Variants in PDE7A observed in about 807,000 individuals in gnomAD.
PDE7A encodes phosphodiesterase 7A, also known as high affinity 3',5'-cyclic-AMP phosphodiesterase 7A.
Under a neutral mutation model 64.3 loss-of-function variants are expected in PDE7A, and 39 were observed. The observed-to-expected ratio is 0.61, with a 90% CI of 0.47 to 0.79. PDE7A has a LOEUF of 0.79. Among genes scored for constraint, PDE7A ranks in the 30% least tolerant of loss-of-function variants. PDE7A has a pLI of 0.00. For missense variants in PDE7A, 470 were observed against 582.8 expected (o/e 0.81, Z 1.99); for synonymous variants, 203 against 206.8 (o/e 0.98, Z 0.16).
At chr8:65,796,733 A>G (rs1809854097) in intron 1 of PDE7A, among the ~76,000 whole-genome samples, 1 of 152,204 alleles carries the variant, frequency 6.6e-6, no homozygotes, top group East Asian at 1.9e-4. Flanking sequence ...ATCCATAGCC[A>G]TCATTGTACT....
chr8:65,779,011 C>G (rs1809331719), intron 3 of PDE7A, among the ~76,000 whole-genome samples: 1 of 152,226 alleles, frequency 6.6e-6, no homozygotes, highest in African/African-American at 2.4e-5. Context: ...TTCCCAGAAT[C>G]AGTACATGCT....
chr8:65,820,163 A>T (rs1241425303), intron 1 of PDE7A, among the ~76,000 whole-genome samples: 1 of 152,242 alleles, frequency 6.6e-6, no homozygotes, highest in African/African-American at 2.4e-5. Flanking sequence ...TGGGAGGCCG[A>T]GGCAGGTGGA....
At chr8:65,784,915 T>C (rs933790733) in intron 1 of PDE7A, among the ~76,000 whole-genome samples, 7 of 152,046 alleles carry the variant, frequency 4.6e-5, no homozygotes, top group African/African-American at 1.7e-4. Context: ...AGATTAATGA[T>C]CATCTTCCCT....
At chr8:65,834,120 T>A (rs1319213630) in intron 1 of PDE7A, among the ~76,000 whole-genome samples, 2 of 152,170 alleles carry the variant, frequency 1.3e-5, no homozygotes, top group Non-Finnish European at 2.9e-5. Context: ...AGAAATTTTG[T>A]GAAGATTTAT....
intron 1 of PDE7A, among the ~76,000 whole-genome samples, chr8:65,798,206 A>ATATATATATTTTTTTTT: frequency 1.5e-4 from 11 of 73,806 alleles, no homozygotes; most frequent in Admixed American, 3.1e-4. Flanking sequence ...ATATATATAT[A>ATATATATATTTTTTTTT]TTTTTTTTTT....
At chr8:65,727,417 C>T (rs190437709) in intron 7 of PDE7A, 116 bp from the exon 8 acceptor site, 17 of 1,436,022 alleles carry the variant, frequency 1.2e-5, no homozygotes, top group Admixed American at 1.1e-4. Flanking sequence ...TCCCCCTTCA[C>T]GTCATTCCTC....
intron 5 of PDE7A, among the ~76,000 whole-genome samples, chr8:65,740,958 A>T (rs146216827): frequency 2.8e-4 from 42 of 152,294 alleles, no homozygotes; most frequent in African/African-American, 1.0e-3. Context: ...GAGCTGCTAC[A>T]CGCAATGGGG....
chr8:65,728,959 C>T (rs1441558220), intron 7 of PDE7A, among the ~76,000 whole-genome samples: 2 of 151,904 alleles, frequency 1.3e-5, no homozygotes, highest in East Asian at 3.9e-4. Flanking sequence ...ACAAATCACA[C>T]ATGCAAAAAA....
Position 65,789,707 on chromosome 8 carries a change from T to C in PDE7A, c.139-6864A>G, listed in dbSNP as rs937256863. 3.9e-5 allele frequency among the ~76,000 whole-genome samples: 6 copies of C among 152,344 alleles called. No homozygotes were observed. The East Asian group carries it at 1.2e-3, about 29-fold the overall frequency. ...GAGCTTTCTAATAACAAAGTATGCT[T>C]CTATTCATCCATCTTCATAACCGAG... On this transcript the variant is annotated intron_variant, in intron 1 of 12. Transcript: ENST00000401827.
chr8:65,803,816 C>A (rs888867213), intron 1 of PDE7A, among the ~76,000 whole-genome samples: 2 of 152,054 alleles, frequency 1.3e-5, no homozygotes, highest in Admixed American at 1.3e-4. Flanking sequence ...ATTCATGAAG[C>A]TCCTGTCAAT....
At position 65,808,545 on chromosome 8, in the gene PDE7A, A is replaced by T. The variant is rs529699499; in HGVS notation, c.139-25702T>A. 4.6e-5 allele frequency among the ~76,000 whole-genome samples: 7 copies of T among 152,328 alleles called. No homozygotes were observed. The South Asian group carries it at 1.4e-3, about 32-fold the overall frequency. On this transcript the variant is annotated intron_variant, in intron 1 of 12. Transcript: ENST00000401827. ...GAATCTATTTCAATGAACAGATACTAGGACTGTCGAGCTAAACACCAATGT... is the reference window on the plus strand; with the variant it reads ...GAATCTATTTCAATGAACAGATACTTGGACTGTCGAGCTAAACACCAATGT...
intron 1 of PDE7A, chr8:65,838,564 T>TA (rs1811005074): frequency 6.6e-6 from 1 of 152,234 alleles, no homozygotes. Flanking sequence ...CATCAATACT[T>TA]AAAACTCTTT....
At chr8:65,781,157 T>C (rs1294222742) in intron 2 of PDE7A, among the ~76,000 whole-genome samples, 1 of 151,946 alleles carries the variant, frequency 6.6e-6, no homozygotes, top group Non-Finnish European at 1.5e-5. Context: ...GGTGACTCAT[T>C]AGTGCAGTCA....
intron 4 of PDE7A, 47 bp from the exon 5 acceptor site, chr8:65,745,517 A>T (rs1261467489): frequency 9.4e-7 from 1 of 1,061,610 alleles, no homozygotes; most frequent in Admixed American, 1.7e-5. Context: ...TTTCAATAAC[A>T]TTGTCTTTTG....
rs904433533 is a variant in PDE7A at position 65,841,575 on chromosome 8, G to A, written c.-67C>T. 2 of 990,720 alleles carry A rather than the reference G, an allele frequency of 2.0e-6. No homozygotes were observed. Among genetic ancestry groups the A allele is most frequent in the Non-Finnish European group, 2.6e-6 (2 of 766,570 alleles). The allele number at this position is 990,720 out of a possible 1,614,324, so 61.4% of individuals were successfully genotyped here. A position where few individuals can be genotyped will look rare whatever the true frequency, so the allele number is the denominator to read the frequency against. On this transcript the variant is annotated 5_prime_UTR_variant, in exon 1 of 13. Transcript: ENST00000401827. The stretch of plus-strand genomic sequence containing the variant: ...GCGGCCGCCGGCCCCTGCAGTGGGA[G>A]GGGGCCGCGGCTCGGGGGCTCCGGG...
At chr8:65,803,225 T>C (rs1397428837) in intron 1 of PDE7A, among the ~76,000 whole-genome samples, 2 of 152,252 alleles carry the variant, frequency 1.3e-5, no homozygotes, top group Non-Finnish European at 2.9e-5. Context: ...TTCAATTCTT[T>C]AAAATGATTT....
At chr8:65,731,980 ATTATTATTGTTGTTG>A (rs1806909028) in intron 7 of PDE7A, among the ~76,000 whole-genome samples, 2 of 151,454 alleles carry the variant, frequency 1.3e-5, no homozygotes, top group African/African-American at 2.4e-5. Context: ...TATTATTATT[ATTATTATTGTTGTTG>A]TTGTTGTTGT....
At chr8:65,736,662 G>A (rs1807140601) in intron 6 of PDE7A, among the ~76,000 whole-genome samples, 1 of 151,810 alleles carries the variant, frequency 6.6e-6, no homozygotes, top group Non-Finnish European at 1.5e-5. Context: ...GAGGTGGGAG[G>A]ATCGCATGAG....
chr8:65,770,307 A>G (rs896375608), intron 3 of PDE7A, among the ~76,000 whole-genome samples: 14 of 152,202 alleles, frequency 9.2e-5, no homozygotes, highest in African/African-American at 3.4e-4. Context: ...GGTTTGATGG[A>G]CTCACAGTTC....
Sources: allele counts gnomAD v4.1 joint callset (sites outside exome capture counted in the v4.1 genomes callset), GRCh38; gene constraint gnomAD v4.1.1; transcripts MANE v1.5; gene names NCBI Gene and HGNC (gene_info 2026-07-23, HGNC 2026-07-21).